Variants in IFT81 observed in about 807,000 individuals in gnomAD.
The protein encoded by IFT81 is intraflagellar transport 81, also known as intraflagellar transport protein 81 homolog.
A neutral mutation model predicts 102.6 loss-of-function variants in IFT81; 72 were observed. The observed-to-expected ratio is 0.70, with a 90% CI of 0.58 to 0.85. IFT81 has a LOEUF of 0.85. Among genes scored for constraint, IFT81 ranks in the 40% least tolerant of loss-of-function variants. The probability of loss-of-function intolerance (pLI) is 0.00; values close to 1 mark genes in which losing one functional copy is unlikely to be tolerated. For synonymous variants in IFT81, 237 were observed against 242.7 expected, an observed-to-expected ratio of 0.98 and a Z score of 0.22; for missense variants, 723 against 787.3, an observed-to-expected ratio of 0.92 and a Z score of 0.98.
intron 12 of IFT81, among the ~76,000 whole-genome samples, chr12:110,183,487 G>A (rs544334890): frequency 7.9e-5 from 12 of 152,262 alleles, no homozygotes; most frequent in Non-Finnish European, 7.4e-5. Context: ...TGGCTCATAC[G>A]TAACTTCCAT....
intron 12 of IFT81, among the ~76,000 whole-genome samples, chr12:110,186,955 T>G (rs1897561649): frequency 6.6e-6 from 1 of 152,076 alleles, no homozygotes; most frequent in Non-Finnish European, 1.5e-5. Flanking sequence ...TTCTTTTTCT[T>G]TTTTTCATTT....
Position 110,218,093 on chromosome 12 carries a change from T to C in IFT81, c.1898T>C (p.Met633Thr), listed in dbSNP as rs1870369173. The C allele has an allele frequency of 6.2e-7, 1 of 1,604,080 alleles. No individual in the cohort carries two copies. The highest frequency in any genetic ancestry group is 8.5e-7 in the Non-Finnish European group (1 of 1,177,218). Residue 633 changes from methionine (M) to threonine (T), a missense_variant, in exon 19 of 19, where the codon ATG becomes ACG. Coordinates refer to ENST00000242591, the MANE Select transcript of IFT81 (RefSeq NM_014055.4). ...ATACGAGAAAGTCATGGTCCAAATA[T>C]GAAACAAGCAAAAATGTGGCGTGAT... ...KVIRESHGPN[M>T]KQAKMWRDLE...
intron 10 of IFT81, among the ~76,000 whole-genome samples, chr12:110,157,578 A>G (rs554059655): frequency 6.6e-6 from 1 of 152,070 alleles, no homozygotes; most frequent in Non-Finnish European, 1.5e-5. Context: ...AAATTGATGA[A>G]GTTTTCATAC....
Position 110,135,371 on chromosome 12 carries a change from G to A in IFT81, c.630G>A (p.Arg210=), listed in dbSNP as rs1315743281. The change falls in exon 7 of 19, where the codon AGG becomes AGA. Residue 210 remains arginine, a synonymous_variant. Transcript: ENST00000242591. The part of the protein sequence containing the change: ...QNHQWMLKIA[R]QLRVEKEREE... ...ATCAATGGATGCTTAAAATAGCAAG[G>A]CAACTTCGAGTTGAAAAAGAGAGAG... is the stretch of plus-strand genomic sequence containing the variant. 4.3e-6 allele frequency: 7 copies of A among 1,613,350 alleles called. No homozygotes were observed. The highest frequency in any genetic ancestry group is 5.9e-6 in the Non-Finnish European group (7 of 1,179,626).
At chr12:110,159,137 G>T (rs1011879705) in intron 10 of IFT81, among the ~76,000 whole-genome samples, 2 of 151,940 alleles carry the variant, frequency 1.3e-5, no homozygotes, top group Non-Finnish European at 2.9e-5. Flanking sequence ...TTGTTTTTTT[G>T]ATTGGTGTAG....
chr12:110,173,576 G>A (rs1040919919), intron 11 of IFT81, among the ~76,000 whole-genome samples: 1 of 152,234 alleles, frequency 6.6e-6, no homozygotes, highest in Non-Finnish European at 1.5e-5. Flanking sequence ...TGTCTGTGTG[G>A]AAAGAAGTAG....
At chr12:110,167,196 T>C (rs1896483450) in intron 11 of IFT81, among the ~76,000 whole-genome samples, 1 of 152,214 alleles carries the variant, frequency 6.6e-6, no homozygotes, top group Non-Finnish European at 1.5e-5. Context: ...TTGGTTTTCC[T>C]TATTAGTAAA....
chr12:110,158,663 C>T (rs1312886374), intron 10 of IFT81, among the ~76,000 whole-genome samples: 1 of 152,070 alleles, frequency 6.6e-6, no homozygotes, highest in African/African-American at 2.4e-5. Flanking sequence ...TATCTCGGCT[C>T]ACTGCAAGCT....
intron 7 of IFT81, among the ~76,000 whole-genome samples, chr12:110,136,009 A>G (rs1240863805): frequency 2.0e-5 from 3 of 152,156 alleles, no homozygotes; most frequent in Admixed American, 2.0e-4. Flanking sequence ...GAGTCATTGT[A>G]ATGTTAACAG....
At chr12:110,180,697 T>C in intron 12 of IFT81, 126 bp downstream of exon 12, 1 of 607,064 alleles carries the variant, frequency 1.6e-6, no homozygotes, top group Non-Finnish European at 2.6e-6. Context: ...TCTGATTAAT[T>C]ACAGACATGA....
At chr12:110,176,434 T>C (rs1897038403) in intron 11 of IFT81, among the ~76,000 whole-genome samples, 1 of 152,180 alleles carries the variant, frequency 6.6e-6, no homozygotes, top group South Asian at 2.1e-4. Flanking sequence ...CTCATCTGAG[T>C]GTACAGCAGA....
At chr12:110,155,394 T>A (rs1566125164) in intron 10 of IFT81, among the ~76,000 whole-genome samples, 1 of 152,150 alleles carries the variant, frequency 6.6e-6, no homozygotes, top group Non-Finnish European at 1.5e-5. Flanking sequence ...CACTGCAACC[T>A]CCACTTCCCT....
chr12:110,205,247 G>A (rs147527690), intron 15 of IFT81, 196 bp from the exon 16 acceptor site: 3 of 439,796 alleles, frequency 6.8e-6, no homozygotes, highest in Non-Finnish European at 1.2e-5. Flanking sequence ...AAATACAATT[G>A]AACTTGCAGG....
chr12:110,192,760 A>G (rs1053438369), intron 14 of IFT81, 54 bp downstream of exon 14: 4 of 1,009,548 alleles, frequency 4.0e-6, no homozygotes, highest in Admixed American at 2.1e-5. Context: ...TTAGTATTCT[A>G]TCTTATTCAC....
chr12:110,150,732 C>A, intron 10 of IFT81, among the ~76,000 whole-genome samples: 1 of 152,236 alleles, frequency 6.6e-6, no homozygotes, highest in Middle Eastern at 3.4e-3. Context: ...GAAAATTGGT[C>A]TTTAGTTCAT....
chr12:110,133,318 A>G (rs1403541144), intron 5 of IFT81, among the ~76,000 whole-genome samples: 2 of 152,008 alleles, frequency 1.3e-5, no homozygotes, highest in Non-Finnish European at 2.9e-5. Context: ...TCTACAAAGC[A>G]TATGTTCAAG....
At chr12:110,186,238 CTTGTTTG>C (rs1368374431) in intron 12 of IFT81, among the ~76,000 whole-genome samples, 3 of 150,794 alleles carry the variant, frequency 2.0e-5, no homozygotes, top group Non-Finnish European at 3.0e-5. Flanking sequence ...AACTGTACAT[CTTGTTTG>C]TTTGTTTGTT....
In IFT81 at chr12:110,127,385, G is replaced by A. The variant is rs377159537; in HGVS notation, c.5G>A (p.Ser2Asn). 1.3e-6 allele frequency: 2 copies of A among 1,572,444 alleles called. No homozygotes were observed. The highest frequency in any genetic ancestry group is 2.3e-5 in the East Asian group (1 of 43,740). M[S>N]DQIKFIMDSL... ...TTAAAATTATAAGACCTAATTATGA[G>A]TGATCAAATTAAATTCATTATGGAC... The change falls in exon 2 of 19, where the codon AGT (serine) becomes AAT (asparagine). Residue 2 changes from serine to asparagine, a missense_variant. By Grantham distance (46) the Ser-to-Asn change is conservative. Transcript: ENST00000242591.
At chr12:110,134,186 G>A (rs1049160761) in intron 5 of IFT81, among the ~76,000 whole-genome samples, 1 of 152,142 alleles carries the variant, frequency 6.6e-6, no homozygotes, top group African/African-American at 2.4e-5. Flanking sequence ...TTTTAGTAGA[G>A]ACAAAATTTC....
Sources: gnomAD v4.1 joint callset for allele counts (sites outside exome capture counted in the v4.1 genomes callset) on GRCh38, gnomAD v4.1.1 for gene constraint, MANE v1.5 for transcripts, NCBI Gene and HGNC (gene_info 2026-07-23, HGNC 2026-07-21) for gene names.